HMCN2: variants seen among roughly 807,000 people sequenced by gnomAD.
The protein encoded by HMCN2 is hemicentin 2.
HMCN2 carries 325 observed loss-of-function variants against 377.5 expected under a neutral mutation model. The observed-to-expected ratio is 0.86, with a 90% CI of 0.79 to 0.94. HMCN2 has a LOEUF of 0.94. Among genes scored for constraint, HMCN2 ranks in the 40% least tolerant of loss-of-function variants. The pLI is 0.00. For missense variants in HMCN2, 4,543 were observed against 4,725.3 expected, an observed-to-expected ratio of 0.96 and a Z score of 1.13; for synonymous variants, 2,007 against 2,046.8, an observed-to-expected ratio of 0.98 and a Z score of 0.53.
In HMCN2 at chr9:130,430,392, G is replaced by C; in HGVS notation, c.14435G>C (p.Gly4812Ala). The change falls in exon 95 of 98, where the codon GGC becomes GCC. Residue 4812 changes from glycine (G) to alanine (A), a missense_variant. By Grantham distance (60) the Gly-to-Ala change is moderately conservative (BLOSUM62 0). This residue lies in a region of HMCN2 where 1,155 missense variants were observed against 1,157.7 expected (regional missense o/e 1.00). Coordinates refer to ENST00000683500, the MANE Select transcript of HMCN2 (RefSeq NM_001291815.2). ...CCAGGCCAGACCCTCCTTCGCGACG[G>C]CAAGGCCTGCACCTCACTGGAGCGG... Reference protein sequence around the residue: ...CPPGQTLLRDGKACTSLERNG... With the variant: ...CPPGQTLLRDAKACTSLERNG... 6.5e-7 allele frequency: 1 copy of C among 1,550,250 alleles called. No homozygotes were observed. The highest frequency in any genetic ancestry group is 8.7e-7 in the Non-Finnish European group (1 of 1,146,954).
intron 1 of HMCN2, among the ~76,000 whole-genome samples, chr9:130,279,217 A>G (rs560525872): frequency 6.5e-4 from 99 of 152,198 alleles, no homozygotes; most frequent in African/African-American, 2.4e-3. Flanking sequence ...AGACAGGGTC[A>G]CTGCATGCGT....
chr9:130,400,728 G>A (rs1400647053), intron 76 of HMCN2, 55 bp from the exon 77 acceptor site: 1 of 1,225,716 alleles, frequency 8.2e-7, no homozygotes, highest in Non-Finnish European at 1.0e-6. Context: ...TGGCCCTGTG[G>A]CCGTGAGTGC....
chr9:130,408,787 C>G lies in HMCN2; in HGVS notation c.12733C>G (p.Pro4245Ala). ...GGAGGCTTTCTCCTACCTGGTGGAA[C>G]CTGTAGGAGGCAGCATTCAGCTAGA... ...QGEAFSYLVE[P>A]VGGSIQLDCV... Residue 4245 changes from proline (P) to alanine (A), a missense_variant, in exon 84 of 98, where the codon CCT (proline) becomes GCT (alanine). Physicochemically the swap from Pro to Ala is conservative, Grantham distance 27. Transcript: ENST00000683500. 2 of 1,289,642 alleles carry G rather than the reference C, an allele frequency of 1.6e-6. No homozygotes were observed. Among genetic ancestry groups the G allele is most frequent in the Non-Finnish European group, 2.0e-6 (2 of 988,768 alleles). 79.9% of individuals were successfully genotyped at this position (1,289,642 alleles called of 1,614,324 possible).
chr9:130,403,719 G>A lies in HMCN2; in HGVS notation c.12014-22G>A, dbSNP rs771325772. On this transcript the variant is annotated intron_variant, in intron 79 of 97. Coordinates refer to ENST00000683500, the MANE Select transcript of HMCN2 (RefSeq NM_001291815.2). Reference sequence around the variant, plus strand: ...CCCCAGTCCCAGTTCCCAGGCCCCCGATTTTCTTCTTCCTCGTTCAGGAGT... The same window carrying A: ...CCCCAGTCCCAGTTCCCAGGCCCCCAATTTTCTTCTTCCTCGTTCAGGAGT... The A allele has an allele frequency of 3.9e-6, 5 of 1,286,946 alleles. No homozygotes were observed. In the African/African-American group the frequency reaches 4.6e-5, roughly 12 times the overall value. 79.7% of individuals were successfully genotyped at this position (1,286,946 alleles called of 1,614,324 possible).
chr9:130,343,218 G>A (rs911182789), intron 25 of HMCN2, among the ~76,000 whole-genome samples: 11 of 152,120 alleles, frequency 7.2e-5, no homozygotes, highest in East Asian at 1.9e-4. Flanking sequence ...TGCTTCTTTC[G>A]GCGTTGGGCT....
At chr9:130,432,672 G>T (rs1446626870) in intron 97 of HMCN2, 117 bp downstream of exon 97, 5 of 1,177,382 alleles carry the variant, frequency 4.2e-6, no homozygotes, top group African/African-American at 1.5e-5. Context: ...AGGCAGGAAC[G>T]CACGGAGCCC....
chr9:130,430,006 G>C (rs71501137), intron 94 of HMCN2: 14,095 of 596,238 alleles, frequency 0.024, 242 homozygotes, highest in South Asian at 0.04. Flanking sequence ...TTAGGAGAGG[G>C]AATGGATCTA....
chr9:130,370,986 C>G lies in HMCN2; in HGVS notation c.7092C>G (p.Asp2364Glu). The G allele has an allele frequency of 1.0e-6, 1 of 986,154 alleles. No individual in the cohort carries two copies. Among genetic ancestry groups the G allele is most frequent in the Non-Finnish European group, 1.2e-6 (1 of 830,146 alleles). 61.1% of individuals were successfully genotyped at this position (986,154 alleles called of 1,614,324 possible). A position where few individuals can be genotyped will look rare whatever the true frequency, so the allele number is the denominator to read the frequency against. The change falls in exon 46 of 98, where the codon GAC becomes GAG. Residue 2364 changes from aspartate to glutamate, a missense_variant. By Grantham distance (45) the Asp-to-Glu change is conservative (BLOSUM62 2). This residue lies in a region of HMCN2 where 1,032 missense variants were observed against 1,285.1 expected (regional missense o/e 0.80). Coordinates refer to ENST00000683500, the MANE Select transcript of HMCN2 (RefSeq NM_001291815.2). Reference sequence around the variant, plus strand: ...CAGTGCCCCCAGAGCTCATTGGAGACTTGGACCCGCTGACCAACATCACTG... The same window carrying G: ...CAGTGCCCCCAGAGCTCATTGGAGAGTTGGACCCGCTGACCAACATCACTG... ...SVLVPPELIG[D>E]LDPLTNITAA...
chr9:130,343,467 T>TGGG (rs1839173090), intron 25 of HMCN2, among the ~76,000 whole-genome samples: 1 of 152,094 alleles, frequency 6.6e-6, no homozygotes, highest in African/African-American at 2.4e-5. Flanking sequence ...AGGACCTGGG[T>TGGG]GGGAGCTCTG....
chr9:130,384,858 C>T, intron 59 of HMCN2, 60 bp downstream of exon 59: 1 of 1,093,956 alleles, frequency 9.1e-7, no homozygotes, highest in Non-Finnish European at 1.2e-6. Context: ...CCCCTCAGCC[C>T]ATACTCCCCC....
intron 7 of HMCN2, among the ~76,000 whole-genome samples, chr9:130,298,260 AT>A (rs1194300670): frequency 1.3e-5 from 2 of 151,956 alleles, no homozygotes; most frequent in African/African-American, 4.8e-5. Flanking sequence ...GGCCAAGATA[AT>A]TTTTTTTAAA....
intron 81 of HMCN2, 76 bp from the exon 82 acceptor site, chr9:130,405,879 C>T (rs1843064449): frequency 9.1e-7 from 1 of 1,093,914 alleles, no homozygotes; most frequent in Non-Finnish European, 1.2e-6. Flanking sequence ...TCCATGAGAA[C>T]CTTCAAGGGT....
intron 14 of HMCN2, among the ~76,000 whole-genome samples, chr9:130,309,194 G>T (rs1468958566): frequency 5.3e-5 from 8 of 152,176 alleles, no homozygotes; most frequent in African/African-American, 1.9e-4. Flanking sequence ...AGGCCTCAGG[G>T]GCGGAGAGAA....
intron 90 of HMCN2, among the ~76,000 whole-genome samples, chr9:130,426,568 G>C (rs888613166): frequency 2.6e-5 from 4 of 152,120 alleles, no homozygotes; most frequent in African/African-American, 9.7e-5. Flanking sequence ...GGGTGTCGCC[G>C]TACAGATGTT....
intron 36 of HMCN2, 106 bp from the exon 37 acceptor site, chr9:130,359,213 T>C (rs2131556482): frequency 2.0e-6 from 1 of 490,628 alleles, no homozygotes; most frequent in Non-Finnish European, 3.5e-6. Flanking sequence ...GCCCTTAGTC[T>C]AGGATTTTCT....
chr9:130,370,443 CG>C (rs1179699244), intron 45 of HMCN2, among the ~76,000 whole-genome samples: 6 of 149,802 alleles, frequency 4.0e-5, no homozygotes, highest in Admixed American at 4.0e-4. Context: ...GAGAGGTGGG[CG>C]GGGATCAGTT....
At chr9:130,425,658 C>CAACAACA in intron 89 of HMCN2, 29 bp from the exon 90 acceptor site, 1 of 1,383,066 alleles carries the variant, frequency 7.2e-7, no homozygotes, top group Non-Finnish European at 1.0e-6. Flanking sequence ...CCCACCCCTC[C>CAACAACA]TCCTCCTCCC....
chr9:130,329,905 A>G (rs1307769831), intron 22 of HMCN2, among the ~76,000 whole-genome samples: 5 of 152,040 alleles, frequency 3.3e-5, no homozygotes, highest in Non-Finnish European at 7.4e-5. Flanking sequence ...CAGAACACAG[A>G]GACTTAAAAA....
chr9:130,313,004 C>A (rs1230075372), intron 15 of HMCN2, among the ~76,000 whole-genome samples: 4 of 152,142 alleles, frequency 2.6e-5, no homozygotes, highest in African/African-American at 9.7e-5. Context: ...TCCACCTAGA[C>A]CTGTTCCTTC....
Sources: allele counts gnomAD v4.1 joint callset (sites outside exome capture counted in the v4.1 genomes callset), GRCh38; gene constraint gnomAD v4.1.1; regional missense constraint gnomAD v4.1.1; transcripts MANE v1.5; gene names NCBI Gene and HGNC (gene_info 2026-07-23, HGNC 2026-07-21).